Variants in NSMCE2 observed in about 807,000 individuals in gnomAD.
The protein encoded by NSMCE2 is E3 SUMO-protein ligase NSE2.
A neutral mutation model predicts 23.8 loss-of-function variants in NSMCE2; 24 were observed. That is an observed-to-expected ratio of 1.01 (90% CI 0.73 to 1.42). The LOEUF (loss-of-function observed/expected upper bound fraction) is 1.42. Among genes scored for constraint, NSMCE2 ranks in the 40% most tolerant of loss-of-function variants. The pLI is 0.00. For missense variants in NSMCE2, 284 were observed against 296.5 expected (o/e 0.96, Z 0.31); for synonymous variants, 92 against 94.1 (o/e 0.98, Z 0.13).
intron 5 of NSMCE2, among the ~76,000 whole-genome samples, chr8:125,290,102 A>T (rs1369347232): frequency 6.6e-6 from 1 of 152,174 alleles, no homozygotes; most frequent in Non-Finnish European, 1.5e-5. Context: ...GCACCTGAGA[A>T]GCATTATTAG....
intron 5 of NSMCE2, among the ~76,000 whole-genome samples, chr8:125,268,176 G>A (rs1187424366): frequency 1.3e-5 from 2 of 152,052 alleles, no homozygotes; most frequent in Non-Finnish European, 2.9e-5. Flanking sequence ...CGAGGCTGCG[G>A]TGAACCATGA....
At chr8:125,157,433 G>A (rs1821384757) in intron 4 of NSMCE2, among the ~76,000 whole-genome samples, 1 of 152,170 alleles carries the variant, frequency 6.6e-6, no homozygotes. Context: ...ATTAACCAGA[G>A]AAAGAAAGTT....
intron 3 of NSMCE2, among the ~76,000 whole-genome samples, chr8:125,130,720 G>A (rs1299894208): frequency 2.0e-5 from 3 of 152,152 alleles, no homozygotes; most frequent in Non-Finnish European, 4.4e-5. Flanking sequence ...ACTTGTATGT[G>A]TATTCATCTG....
At chr8:125,131,298 G>T (rs760325359) in intron 3 of NSMCE2, among the ~76,000 whole-genome samples, 2 of 152,126 alleles carry the variant, frequency 1.3e-5, no homozygotes, top group African/African-American at 2.4e-5. Flanking sequence ...AGACATACTA[G>T]AATGTTTGCT....
intron 5 of NSMCE2, among the ~76,000 whole-genome samples, chr8:125,253,389 C>G (rs1364177738): frequency 6.6e-6 from 1 of 152,058 alleles, no homozygotes; most frequent in Non-Finnish European, 1.5e-5. Context: ...TTCTTTTCGC[C>G]CTGAGCAAAA....
At chr8:125,325,407 G>A (rs1354554940) in intron 5 of NSMCE2, among the ~76,000 whole-genome samples, 1 of 152,228 alleles carries the variant, frequency 6.6e-6, no homozygotes, top group Admixed American at 6.5e-5. Flanking sequence ...TTGGAGTGCA[G>A]TGGCACGATC....
intron 5 of NSMCE2, among the ~76,000 whole-genome samples, chr8:125,223,452 C>T (rs995680653): frequency 2.0e-5 from 3 of 152,186 alleles, no homozygotes; most frequent in Non-Finnish European, 4.4e-5. Context: ...CGTGGGAGTG[C>T]AGAAATCTCT....
chr8:125,106,157 G>A (rs1818448873), intron 3 of NSMCE2, among the ~76,000 whole-genome samples: 1 of 151,964 alleles, frequency 6.6e-6, no homozygotes, highest in Non-Finnish European at 1.5e-5. Context: ...TCAGCTCTAG[G>A]TTTTAAAGAG....
intron 5 of NSMCE2, among the ~76,000 whole-genome samples, chr8:125,323,068 T>C (rs4871581): frequency 0.093 from 14,087 of 152,222 alleles, 733 homozygotes; most frequent in South Asian, 0.16. Flanking sequence ...CAGAAAAATA[T>C]ATGTATATAT....
chr8:125,151,852 A>G (rs949742737), intron 4 of NSMCE2, among the ~76,000 whole-genome samples: 1 of 152,216 alleles, frequency 6.6e-6, no homozygotes, highest in Admixed American at 6.5e-5. Flanking sequence ...TACTGTGTTG[A>G]GTAAGAAATG....
intron 3 of NSMCE2, among the ~76,000 whole-genome samples, chr8:125,150,545 G>A (rs1820950866): frequency 7.0e-6 from 1 of 143,476 alleles, no homozygotes; most frequent in South Asian, 2.2e-4. Context: ...GCAATTTCCA[G>A]CTAATTTCTG....
intron 4 of NSMCE2, among the ~76,000 whole-genome samples, chr8:125,167,743 CT>C (rs912715103): frequency 5.7e-4 from 82 of 143,450 alleles, no homozygotes; most frequent in South Asian, 2.0e-3. Context: ...CAGTGGAATT[CT>C]TTTTTTTTTT....
chr8:125,128,952 A>G (rs1819633534), intron 3 of NSMCE2, among the ~76,000 whole-genome samples: 1 of 152,160 alleles, frequency 6.6e-6, no homozygotes, highest in African/African-American at 2.4e-5. Context: ...GTAACATAAC[A>G]TAATTGTGGC....
chr8:125,201,864 C>T (rs898519895), intron 5 of NSMCE2, among the ~76,000 whole-genome samples: 3 of 152,232 alleles, frequency 2.0e-5, no homozygotes, highest in Admixed American at 1.3e-4. Flanking sequence ...TCAAGCTTCT[C>T]AGCCGCTTTG....
At chr8:125,240,148 C>CG (rs150584164) in intron 5 of NSMCE2, among the ~76,000 whole-genome samples, 5,050 of 144,096 alleles carry the variant, frequency 0.035, 105 homozygotes, top group East Asian at 0.055. Context: ...TTTTTTGAGA[C>CG]GGAGTCTTGC....
intron 5 of NSMCE2, among the ~76,000 whole-genome samples, chr8:125,195,665 A>G (rs1263118049): frequency 2.0e-5 from 3 of 152,174 alleles, no homozygotes; most frequent in Non-Finnish European, 4.4e-5. Flanking sequence ...ACAAGTCTCT[A>G]TGCTCATGGA....
At chr8:125,234,382 C>T (rs1825456761) in intron 5 of NSMCE2, among the ~76,000 whole-genome samples, 1 of 152,138 alleles carries the variant, frequency 6.6e-6, no homozygotes, top group African/African-American at 2.4e-5. Flanking sequence ...CTGTATTTTT[C>T]AGATTGTGAA....
chr8:125,238,702 A>T (rs1825653342), intron 5 of NSMCE2, among the ~76,000 whole-genome samples: 1 of 152,100 alleles, frequency 6.6e-6, no homozygotes, highest in Non-Finnish European at 1.5e-5. Context: ...TAAGATTTAA[A>T]ATAATATATT....
chr8:125,183,014 T>C (rs1487129052), intron 5 of NSMCE2, among the ~76,000 whole-genome samples: 1 of 152,220 alleles, frequency 6.6e-6, no homozygotes, highest in Non-Finnish European at 1.5e-5. Context: ...AGTCCTGTAG[T>C]CTTTGCTTCT....
Sources: allele counts gnomAD v4.1 joint callset (sites outside exome capture counted in the v4.1 genomes callset), GRCh38; gene constraint gnomAD v4.1.1; transcripts MANE v1.5; gene names NCBI Gene and HGNC (gene_info 2026-07-23, HGNC 2026-07-21).